The following CIB4 variants were observed in gnomAD, a reference collection of about 807,000 sequenced individuals.
CIB4 encodes the protein calcium and integrin binding family member 4.
A neutral mutation model predicts 25.8 loss-of-function variants in CIB4; 25 were observed. The observed-to-expected ratio is 0.97, with a 90% confidence interval of 0.71 to 1.35. The LOEUF (loss-of-function observed/expected upper bound fraction) is 1.35, where lower values mean the gene tolerates loss of function less well. Among genes scored for constraint, CIB4 ranks in the 40% most tolerant of loss-of-function variants. CIB4 has a pLI of 0.00. For missense variants in CIB4, 235 were observed against 228.2 expected (o/e 1.03, Z -0.19); for synonymous variants, 75 against 81.4 (o/e 0.92, Z 0.42).
chr2:26,596,194 G>C (rs1248484529), intron 3 of CIB4, among the ~76,000 whole-genome samples: 1 of 152,166 alleles, frequency 6.6e-6, no homozygotes, highest in Admixed American at 6.5e-5. Flanking sequence ...AGGAAACAGA[G>C]ACATGGACTG....
intron 3 of CIB4, among the ~76,000 whole-genome samples, chr2:26,610,189 G>A (rs921867940): frequency 8.5e-5 from 13 of 152,260 alleles, no homozygotes; most frequent in Admixed American, 6.5e-5. Flanking sequence ...CACAGGGCAC[G>A]CTGGGAACCA....
chr2:26,595,465 A>C, intron 3 of CIB4, 148 bp from the exon 4 acceptor site: 18 of 886,250 alleles, frequency 2.0e-5, no homozygotes, highest in Non-Finnish European at 2.2e-5. Flanking sequence ...ATGGTGGCTC[A>C]CTGAGCCAGG....
intron 2 of CIB4, among the ~76,000 whole-genome samples, chr2:26,637,465 C>A (rs1669555410): frequency 6.6e-6 from 1 of 151,938 alleles, no homozygotes; most frequent in South Asian, 2.1e-4. Context: ...CCTTTACTCT[C>A]CTTTTAGTAA....
In CIB4 at chr2:26,582,808, C is replaced by G. The variant is rs2289703; in HGVS notation, c.527+17G>C. 1.4e-4 allele frequency: 217 copies of G among 1,546,678 alleles called. 1 individual carries two copies. In the East Asian group the frequency reaches 3.8e-3, roughly 27 times the overall value. ...ACCACTCTCCTGGACAGTCTCACCC[C>G]CTCCAGAATGCCTTACTTCATGAAA... On this transcript the variant is annotated intron_variant, in intron 6 of 6. Transcript: ENST00000288861.
chr2:26,625,375 G>A (rs1221202691), intron 3 of CIB4, among the ~76,000 whole-genome samples: 4 of 137,550 alleles, frequency 2.9e-5, no homozygotes, highest in African/African-American at 1.1e-4. Context: ...TTTTTGAGAT[G>A]GAGTTTCGCC....
At chr2:26,583,668 T>A in intron 5 of CIB4, 121 bp downstream of exon 5, 1 of 699,248 alleles carries the variant, frequency 1.4e-6, no homozygotes, top group Non-Finnish European at 2.6e-6. Flanking sequence ...CAATGTGTCA[T>A]CTGCCTCAGG....
rs569751002 is a variant in CIB4, at chr2:26,609,936, AG to A, written c.187-14620del. 4.6e-5 allele frequency among the ~76,000 whole-genome samples: 7 copies of A among 152,372 alleles called. No individual in the cohort carries two copies. The East Asian group carries it at 1.4e-3, about 29-fold the overall frequency. On this transcript the variant is annotated intron_variant, in intron 3 of 6. Transcript: ENST00000288861. ...TTCAAAGCAAGAGACTGTAACTAAC[AG>A]GATGAAGTCACCCACTCAAGGGCAG... is the stretch of plus-strand genomic sequence containing the variant.
rs1277757836 is a variant in CIB4, at chr2:26,596,742, CA to C, written c.187-1426del. On this transcript the variant is annotated intron_variant, in intron 3 of 6. Transcript: ENST00000288861. ...AGCCTGGGCAAAAAGAGCAAAACTGCATCTAAAAAAAAAAAAAAAAGTAAAG... is the reference window on the plus strand; with the variant it reads ...AGCCTGGGCAAAAAGAGCAAAACTGCTCTAAAAAAAAAAAAAAAAGTAAAG... Among the ~76,000 whole-genome samples, 6 of 69,014 alleles carry C rather than the reference CA, an allele frequency of 8.7e-5. No individual in the cohort carries two copies. The Admixed American group carries it at 1.1e-3, about 12-fold the overall frequency. 45.3% of individuals were successfully genotyped at this position (69,014 alleles called of 152,430 possible). A position where few individuals can be genotyped will look rare whatever the true frequency, so the allele number is the denominator to read the frequency against.
At position 26,635,831 on chromosome 2, in the gene CIB4, C is replaced by G. The variant is rs188779822; in HGVS notation, c.89+4702G>C. On this transcript the variant is annotated intron_variant, in intron 2 of 6. Transcript: ENST00000288861. ...TCTGTGTATGCATGTATGAACAGCC[C>G]TTTATTTCATAAGAGCAGTAGCAGC... Among the ~76,000 whole-genome samples the G allele has an allele frequency of 2.6e-3, 392 of 152,180 alleles. 3 individuals are homozygous for G. Among genetic ancestry groups the G allele is most frequent in the Non-Finnish European group, 7.6e-4 (52 of 68,016 alleles).
chr2:26,638,833 T>C (rs949991153), intron 2 of CIB4, among the ~76,000 whole-genome samples: 2 of 152,006 alleles, frequency 1.3e-5, no homozygotes, highest in Non-Finnish European at 2.9e-5. Flanking sequence ...GCACCTGTAG[T>C]CCCAGCTACT....
At chr2:26,620,726 G>A (rs1669189075) in intron 3 of CIB4, among the ~76,000 whole-genome samples, 1 of 152,138 alleles carries the variant, frequency 6.6e-6, no homozygotes, top group Non-Finnish European at 1.5e-5. Flanking sequence ...CCACCCTTCA[G>A]TCATCATCAT....
At chr2:26,638,828 T>C (rs1669581561) in intron 2 of CIB4, among the ~76,000 whole-genome samples, 1 of 152,124 alleles carries the variant, frequency 6.6e-6, no homozygotes, top group South Asian at 2.1e-4. Flanking sequence ...GGCAGGCACC[T>C]GTAGTCCCAG....
At chr2:26,591,490 T>C (rs1034125139) in intron 4 of CIB4, among the ~76,000 whole-genome samples, 7 of 152,170 alleles carry the variant, frequency 4.6e-5, no homozygotes, top group African/African-American at 1.2e-4. Context: ...CTGACTCTCA[T>C]CCAGCTGTGC....
intron 4 of CIB4, among the ~76,000 whole-genome samples, chr2:26,589,108 CTCTTCT>C (rs1187640015): frequency 0.075 from 5,096 of 67,850 alleles, 835 homozygotes; most frequent in Middle Eastern, 0.16. Flanking sequence ...CTTCTTCTTC[CTCTTCT>C]TCTTCTTCTT....
intron 3 of CIB4, among the ~76,000 whole-genome samples, chr2:26,626,955 A>T (rs1028803783): frequency 2.6e-5 from 4 of 152,164 alleles, no homozygotes; most frequent in African/African-American, 9.7e-5. Context: ...CAAGGTGTTC[A>T]TATTGGTTTA....
At chr2:26,618,539 A>G (rs1669139391) in intron 3 of CIB4, among the ~76,000 whole-genome samples, 1 of 152,112 alleles carries the variant, frequency 6.6e-6, no homozygotes, top group Non-Finnish European at 1.5e-5. Flanking sequence ...GGCTCAAGTA[A>G]TCCTCCCACC....
chr2:26,608,970 T>G (rs926844234), intron 3 of CIB4, among the ~76,000 whole-genome samples: 12 of 152,088 alleles, frequency 7.9e-5, no homozygotes, highest in African/African-American at 2.9e-4. Flanking sequence ...GCTTCCCTCT[T>G]CTAATTTCTG....
chr2:26,582,861 A>T lies in CIB4; in HGVS notation c.491T>A (p.Phe164Tyr). The T allele has an allele frequency of 6.2e-7, 1 of 1,613,786 alleles. No homozygotes were observed. Among genetic ancestry groups the T allele is most frequent in the African/African-American group, 1.3e-5 (1 of 75,046 alleles). Reference sequence around the variant, plus strand: ...TGGAGACTTGGCCATTGCATGTTCAAACTCTGAGAAGGACAGCATGTTGTC... The same window carrying T: ...TGGAGACTTGGCCATTGCATGTTCATACTCTGAGAAGGACAGCATGTTGTC... ...DNDNMLSFSE[F>Y]EHAMAKSPDF... The change falls in exon 6 of 7, where the codon TTT becomes TAT. Residue 164 changes from phenylalanine to tyrosine, a missense_variant. By Grantham distance (22) the Phe-to-Tyr change is conservative. Coordinates refer to ENST00000288861, the MANE Select transcript of CIB4 (RefSeq NM_001029881.3).
At chr2:26,588,036 A>T (rs72817133) in intron 4 of CIB4, among the ~76,000 whole-genome samples, 3 of 152,128 alleles carry the variant, frequency 2.0e-5, no homozygotes, top group Non-Finnish European at 4.4e-5. Context: ...TGTCAGTGTC[A>T]GGACTGGAGC....
Sources: allele counts gnomAD v4.1 joint callset (sites outside exome capture counted in the v4.1 genomes callset), GRCh38; gene constraint gnomAD v4.1.1; transcripts MANE v1.5; gene names NCBI Gene and HGNC (gene_info 2026-07-23, HGNC 2026-07-21).